The following KCNH7 variants were observed in gnomAD, a reference collection of about 807,000 sequenced individuals.
KCNH7 encodes potassium voltage-gated channel subfamily H member 7, also known as voltage-gated inwardly rectifying potassium channel KCNH7.
KCNH7 carries 49 observed loss-of-function variants against 120.8 expected under a neutral mutation model. The observed-to-expected ratio is 0.41, with a 90% CI of 0.32 to 0.51. The LOEUF is 0.51. KCNH7 is among the 20% of genes least tolerant of loss of function. The pLI is 0.38. For synonymous variants in KCNH7, 547 were observed against 516.1 expected, an observed-to-expected ratio of 1.06 and a Z score of -0.81; for missense variants, 1,097 against 1,446.6, an observed-to-expected ratio of 0.76 and a Z score of 3.92.
chr2:162,768,780 C>A (rs115383778), intron 2 of KCNH7, among the ~76,000 whole-genome samples: 1,478 of 137,478 alleles, frequency 0.011, 14 homozygotes, highest in Admixed American at 0.013. Flanking sequence ...TTCCCCATGT[C>A]GAATCGCCAA....
At chr2:162,538,156 C>T (rs1268234361) in intron 2 of KCNH7, 1 of 152,056 alleles carries the variant, frequency 6.6e-6, no homozygotes, top group Non-Finnish European at 1.5e-5. Context: ...ACATGTGGCC[C>T]AGGATGGCTT....
chr2:162,605,270 A>C (rs916093613), intron 2 of KCNH7, among the ~76,000 whole-genome samples: 2 of 152,144 alleles, frequency 1.3e-5, no homozygotes, highest in Non-Finnish European at 2.9e-5. Flanking sequence ...CACATACCTA[A>C]ATTACTACTA....
chr2:162,571,747 C>T (rs1229030496), intron 2 of KCNH7, among the ~76,000 whole-genome samples: 1 of 132,496 alleles, frequency 7.5e-6, no homozygotes, highest in Non-Finnish European at 1.6e-5. Flanking sequence ...CGCCACTTAT[C>T]TACAACTATC....
intron 2 of KCNH7, among the ~76,000 whole-genome samples, chr2:162,799,380 CT>C (rs1396014327): frequency 6.6e-6 from 1 of 151,718 alleles, no homozygotes. Flanking sequence ...CTGCATACAT[CT>C]TTGTTAAAAC....
chr2:162,838,633 C>G lies in KCNH7; in HGVS notation c.-115G>C, dbSNP rs1354227795. 4.1e-6 allele frequency: 3 copies of G among 736,988 alleles called. No homozygotes were observed. The highest frequency in any genetic ancestry group is 6.7e-6 in the Non-Finnish European group (3 of 444,806). The allele number at this position is 736,988 out of a possible 1,614,324, so 45.7% of individuals were successfully genotyped here. ...GCCGCTCTTTGTGGCAGAGCATCCT[C>G]TTTTGAAACCAGAATTCTCTTCCCA... is the stretch of plus-strand genomic sequence containing the variant. On this transcript the variant is annotated 5_prime_UTR_variant, in exon 1 of 16. Transcript: ENST00000332142.
intron 2 of KCNH7, among the ~76,000 whole-genome samples, chr2:162,653,855 G>A (rs1327235312): frequency 1.3e-5 from 2 of 152,220 alleles, no homozygotes; most frequent in East Asian, 1.9e-4. Context: ...CACATTTATG[G>A]TCAATTGGCA....
At chr2:162,746,419 T>A (rs559797739) in intron 2 of KCNH7, among the ~76,000 whole-genome samples, 1 of 152,148 alleles carries the variant, frequency 6.6e-6, no homozygotes, top group South Asian at 2.1e-4. Context: ...TTAAAATATT[T>A]ATAGTGAATT....
chr2:162,614,791 T>A (rs928916751), intron 2 of KCNH7, among the ~76,000 whole-genome samples: 1 of 150,600 alleles, frequency 6.6e-6, no homozygotes, highest in African/African-American at 2.4e-5. Flanking sequence ...AGTTACTTTT[T>A]CTAGGTGGTA....
intron 8 of KCNH7, among the ~76,000 whole-genome samples, chr2:162,429,020 A>G (rs1687967300): frequency 6.6e-6 from 1 of 151,914 alleles, no homozygotes; most frequent in Admixed American, 6.6e-5. Context: ...GGGTTTAAAT[A>G]TACTATCTTG....
chr2:162,525,331 C>T (rs148057054), intron 3 of KCNH7, among the ~76,000 whole-genome samples: 5 of 151,976 alleles, frequency 3.3e-5, no homozygotes, highest in South Asian at 2.1e-4. Flanking sequence ...ACAGCATTCC[C>T]GTAAACATGT....
chr2:162,601,079 A>G (rs1340789186), intron 2 of KCNH7, among the ~76,000 whole-genome samples: 1 of 152,116 alleles, frequency 6.6e-6, no homozygotes, highest in Non-Finnish European at 1.5e-5. Flanking sequence ...GGTAACTCAT[A>G]TTGTTCATAT....
At chr2:162,776,117 T>C (rs750258743) in intron 2 of KCNH7, among the ~76,000 whole-genome samples, 1 of 152,176 alleles carries the variant, frequency 6.6e-6, no homozygotes, top group Non-Finnish European at 1.5e-5. Context: ...GCTACGAATA[T>C]ACCGTTCTCT....
intron 5 of KCNH7, among the ~76,000 whole-genome samples, chr2:162,507,475 C>A (rs1690919691): frequency 6.6e-6 from 1 of 151,516 alleles, no homozygotes; most frequent in African/African-American, 2.4e-5. Context: ...GGTTTTCAGT[C>A]TCATTCTCAA....
chr2:162,768,009 C>T (rs1196513850), intron 2 of KCNH7, among the ~76,000 whole-genome samples: 4 of 152,052 alleles, frequency 2.6e-5, no homozygotes, highest in African/African-American at 9.7e-5. Flanking sequence ...AATTTCATCA[C>T]AAGCAAAGAA....
intron 6 of KCNH7, among the ~76,000 whole-genome samples, chr2:162,447,667 A>C (rs768658846): frequency 1.3e-5 from 2 of 152,112 alleles, no homozygotes; most frequent in African/African-American, 2.4e-5. Flanking sequence ...GGTTAGTCAG[A>C]GAGTGTTATT....
intron 2 of KCNH7, among the ~76,000 whole-genome samples, chr2:162,775,269 T>C (rs1040999156): frequency 2.6e-5 from 4 of 152,226 alleles, no homozygotes; most frequent in Non-Finnish European, 5.9e-5. Flanking sequence ...ATTTGAACTA[T>C]ATTGTACTTT....
At position 162,517,999 on chromosome 2, in the gene KCNH7, C is replaced by T; in HGVS notation, c.623G>A (p.Cys208Tyr). ...TGTGTCATCTGCTTCAGAGGGGCTG[C>T]AGCTTTCTTTTGTAGGAGACTTAAA... Reference protein sequence around the residue: ...KHFKSPTKESCSPSEADDTKA... With the variant: ...KHFKSPTKESYSPSEADDTKA... Residue 208 changes from cysteine (C) to tyrosine (Y), a missense_variant, in exon 4 of 16, where the codon TGC becomes TAC. Cys to Tyr is a radical substitution (Grantham distance 194). This residue lies in a region of KCNH7 where 362 missense variants were observed against 372.2 expected (regional missense o/e 0.97). Transcript: ENST00000332142. 6.2e-7 allele frequency: 1 copy of T among 1,612,480 alleles called. No homozygotes were observed. Among genetic ancestry groups the T allele is most frequent in the Non-Finnish European group, 8.5e-7 (1 of 1,178,928 alleles).
intron 7 of KCNH7, among the ~76,000 whole-genome samples, chr2:162,441,378 A>G (rs1688410158): frequency 6.6e-6 from 1 of 152,176 alleles, no homozygotes; most frequent in South Asian, 2.1e-4. Flanking sequence ...CTATCAGACT[A>G]ATAAATCAAA....
At chr2:162,514,631 T>C (rs1220025868) in intron 4 of KCNH7, among the ~76,000 whole-genome samples, 1 of 151,770 alleles carries the variant, frequency 6.6e-6, no homozygotes, top group East Asian at 2.0e-4. Context: ...GTCTGATTAA[T>C]CTAATAATAA....
Sources: gnomAD v4.1 joint callset for allele counts (sites outside exome capture counted in the v4.1 genomes callset) on GRCh38, gnomAD v4.1.1 for gene constraint, gnomAD v4.1.1 regional missense constraint, MANE v1.5 for transcripts, NCBI Gene and HGNC (gene_info 2026-07-23, HGNC 2026-07-21) for gene names.